Variants in ZNF521 observed in about 807,000 individuals in gnomAD.
ZNF521 encodes the protein LYST-interacting protein 3.
ZNF521 carries 14 observed loss-of-function variants against 105.5 expected under a neutral mutation model. The ratio of observed to expected loss-of-function variants is 0.13; its 90% CI spans 0.09 to 0.21. The LOEUF (loss-of-function observed/expected upper bound fraction) is 0.21. ZNF521 is among the 10% of genes least tolerant of loss of function. The pLI is 1.00. For synonymous variants in ZNF521, 635 were observed against 606.0 expected, an observed-to-expected ratio of 1.05 and a Z score of -0.70; for missense variants, 1,233 against 1,629.7, an observed-to-expected ratio of 0.76 and a Z score of 4.19.
chr18:25,254,123 T>C (rs1379998133), intron 3 of ZNF521, among the ~76,000 whole-genome samples: 3 of 152,130 alleles, frequency 2.0e-5, no homozygotes, highest in African/African-American at 7.2e-5. Context: ...AGTAATGAAG[T>C]CTTTTCATTT....
chr18:25,187,788 G>A (rs370493908), intron 5 of ZNF521, among the ~76,000 whole-genome samples: 7 of 152,114 alleles, frequency 4.6e-5, no homozygotes, highest in East Asian at 1.9e-4. Flanking sequence ...AGAAGACAGC[G>A]AAGTAATGGC....
chr18:25,192,337 C>T (rs778991349), intron 5 of ZNF521, among the ~76,000 whole-genome samples: 1 of 152,134 alleles, frequency 6.6e-6, no homozygotes, highest in Non-Finnish European at 1.5e-5. Context: ...CTGGTAGAAA[C>T]ATTGGTGATT....
chr18:25,160,994 T>C (rs4528662), intron 5 of ZNF521, among the ~76,000 whole-genome samples: 71,887 of 151,898 alleles, frequency 0.47, 17,273 homozygotes, highest in South Asian at 0.59. Context: ...GGCTCAGCTG[T>C]GGCAAGCTAA....
At chr18:25,349,200 G>C (rs995533485) in intron 2 of ZNF521, among the ~76,000 whole-genome samples, 13 of 152,126 alleles carry the variant, frequency 8.5e-5, no homozygotes, top group African/African-American at 2.9e-4. Context: ...CTAGGAAGAG[G>C]TTTGTCCTGG....
intron 7 of ZNF521, among the ~76,000 whole-genome samples, chr18:25,077,024 C>T (rs1188502256): frequency 6.6e-6 from 1 of 152,220 alleles, no homozygotes; most frequent in Admixed American, 6.5e-5. Flanking sequence ...TGCTACAAAT[C>T]CTACCCAGCC....
chr18:25,226,368 T>G lies in ZNF521; in HGVS notation c.1550A>C (p.His517Pro). 1.9e-6 allele frequency: 3 copies of G among 1,614,054 alleles called. No individual in the cohort carries two copies. The highest frequency in any genetic ancestry group is 2.5e-6 in the Non-Finnish European group (3 of 1,180,004). Residue 517 changes from histidine to proline, a missense_variant, in exon 4 of 8, where the codon CAT becomes CCT. Physicochemically the swap from His to Pro is moderately conservative, Grantham distance 77. This residue lies in a region of ZNF521 where 380 missense variants were observed against 478.0 expected (regional missense o/e 0.80). Coordinates refer to ENST00000361524, the MANE Select transcript of ZNF521 (RefSeq NM_015461.3). The surrounding 1 kb of genome is among the most constrained non-coding windows in gnomAD (Gnocchi z 4.1). Reference protein sequence around the residue: ...AKDSNAFFCPHCYMGFLTDSS... With the variant: ...AKDSNAFFCPPCYMGFLTDSS... ...GTCAGTGAGAAACCCCATATAGCAA[T>G]GGGGACAAAAGAATGCATTACTATC...
chr18:25,284,557 G>A (rs1422742732), intron 3 of ZNF521, among the ~76,000 whole-genome samples: 4 of 152,084 alleles, frequency 2.6e-5, no homozygotes, highest in East Asian at 1.9e-4. Context: ...GCTGAGGGCC[G>A]GAGGAAAATT....
At chr18:25,256,739 A>G (rs1908536158) in intron 3 of ZNF521, among the ~76,000 whole-genome samples, 1 of 152,086 alleles carries the variant, frequency 6.6e-6, no homozygotes, top group Non-Finnish European at 1.5e-5. Context: ...AGGAAGAAAG[A>G]CAAGAACAGA....
chr18:25,132,889 A>ACAT (rs2034666013), intron 5 of ZNF521, among the ~76,000 whole-genome samples: 1 of 152,184 alleles, frequency 6.6e-6, no homozygotes, highest in Non-Finnish European at 1.5e-5. Context: ...CGATCTGGAA[A>ACAT]CATACAGATG....
intron 3 of ZNF521, among the ~76,000 whole-genome samples, chr18:25,236,815 C>A (rs60700770): frequency 0.011 from 1,607 of 152,044 alleles, 33 homozygotes; most frequent in African/African-American, 0.037. Context: ...ACTGGAAAGC[C>A]AAAGCTATTT....
intron 3 of ZNF521, among the ~76,000 whole-genome samples, chr18:25,258,959 A>G (rs960528313): frequency 4.6e-5 from 7 of 152,098 alleles, no homozygotes; most frequent in African/African-American, 1.7e-4. Context: ...TACATGCTTG[A>G]TATGTGTCAT....
At chr18:25,320,461 G>A (rs62083944) in intron 3 of ZNF521, among the ~76,000 whole-genome samples, 12,889 of 152,124 alleles carry the variant, frequency 0.085, 686 homozygotes, top group Middle Eastern at 0.17. Context: ...GTGAGCCACC[G>A]CGCCTGGCCT....
chr18:25,074,067 CGT>C (rs1483097969), intron 7 of ZNF521, among the ~76,000 whole-genome samples: 7 of 135,474 alleles, frequency 5.2e-5, no homozygotes, highest in African/African-American at 8.9e-5. Context: ...TGTGCGCACG[CGT>C]GTGTGCGTGC....
At chr18:25,211,381 A>G (rs1300312052) in intron 4 of ZNF521, among the ~76,000 whole-genome samples, 1 of 152,192 alleles carries the variant, frequency 6.6e-6, no homozygotes, top group East Asian at 1.9e-4. Context: ...ATGTATAAAG[A>G]GTTAACTGTT....
chr18:25,249,904 A>G (rs1047833054), intron 3 of ZNF521, among the ~76,000 whole-genome samples: 2 of 152,236 alleles, frequency 1.3e-5, no homozygotes, highest in East Asian at 1.9e-4. Context: ...TTAACATTAC[A>G]TAAATTTAAC....
chr18:25,327,559 G>A, intron 2 of ZNF521: 1 of 693,618 alleles, frequency 1.4e-6, no homozygotes, highest in South Asian at 1.4e-5. Flanking sequence ...TACTTTTTAA[G>A]AACAGAGAAA....
intron 5 of ZNF521, among the ~76,000 whole-genome samples, chr18:25,159,500 C>T (rs542561565): frequency 1.2e-4 from 17 of 140,914 alleles, no homozygotes; most frequent in African/African-American, 1.6e-4. Flanking sequence ...AGAGGAGAAA[C>T]GACTAACACT....
At chr18:25,294,988 A>G (rs1424820383) in intron 3 of ZNF521, among the ~76,000 whole-genome samples, 1 of 152,098 alleles carries the variant, frequency 6.6e-6, no homozygotes, top group Non-Finnish European at 1.5e-5. Context: ...CTACATAAAA[A>G]TACAGAAAAG....
intron 5 of ZNF521, among the ~76,000 whole-genome samples, chr18:25,121,386 G>A (rs943983527): frequency 4.0e-5 from 6 of 151,192 alleles, no homozygotes; most frequent in Admixed American, 1.3e-4. Flanking sequence ...TCGAGCAGCT[G>A]TGACTACAGG....
Sources: gnomAD v4.1 joint callset for allele counts (sites outside exome capture counted in the v4.1 genomes callset) on GRCh38, gnomAD v4.1.1 for gene constraint, gnomAD v4.1.1 regional missense constraint, Gnocchi (gnomAD v3.1) non-coding constraint, MANE v1.5 for transcripts, NCBI Gene and HGNC (gene_info 2026-07-23, HGNC 2026-07-21) for gene names.